The following PRRC1 variants were observed in gnomAD, a reference collection of about 807,000 sequenced individuals.
PRRC1 encodes the protein protein PRRC1.
A neutral mutation model predicts 40.7 loss-of-function variants in PRRC1; 39 were observed. The observed-to-expected ratio is 0.96, with a 90% CI of 0.74 to 1.25. The LOEUF (loss-of-function observed/expected upper bound fraction) is 1.25, where lower values mean the gene tolerates loss of function less well. PRRC1 is among the 50% of genes most tolerant of loss of function. The pLI is 0.00. For missense variants in PRRC1, 573 were observed against 548.3 expected (o/e 1.05, Z -0.45); for synonymous variants, 175 against 193.3 (o/e 0.91, Z 0.79).
At chr5:127,548,107 C>A in intron 8 of PRRC1, 186 bp downstream of exon 8, 1 of 639,694 alleles carries the variant, frequency 1.6e-6, no homozygotes, top group Non-Finnish European at 2.8e-6. Context: ...GTACCTTCCT[C>A]CTTTTGTTTT....
chr5:127,536,887 A>G (rs929889184), intron 6 of PRRC1, among the ~76,000 whole-genome samples: 1 of 151,948 alleles, frequency 6.6e-6, no homozygotes, highest in African/African-American at 2.4e-5. Context: ...CAGAAACAGT[A>G]GAGGGAGCTA....
Position 127,526,682 on chromosome 5 carries a change from C to T in PRRC1, c.558C>T (p.Thr186=), listed in dbSNP as rs777921896. 1 of 1,613,628 alleles carries T rather than the reference C, an allele frequency of 6.2e-7. No individual in the cohort carries two copies. Among genetic ancestry groups the T allele is most frequent in the South Asian group, 1.1e-5 (1 of 90,986 alleles). ...CATCTCTGGCACAGGGAACTGGAAC[C>T]ACATCAGCCATTACTTTCCCAGAGG... The part of the protein sequence containing the change: ...SLTSLAQGTG[T]TSAITFPEEQ... Residue 186 remains threonine, a synonymous_variant, in exon 4 of 9, where the codon ACC becomes ACT. Coordinates refer to ENST00000296666, the MANE Select transcript of PRRC1 (RefSeq NM_130809.5).
chr5:127,546,367 G>C (rs189034176), intron 7 of PRRC1, among the ~76,000 whole-genome samples: 5 of 152,154 alleles, frequency 3.3e-5, no homozygotes, highest in African/African-American at 1.2e-4. Flanking sequence ...CTCATCTACT[G>C]ATTCCAATAT....
chr5:127,539,657 G>A (rs233025), intron 7 of PRRC1, among the ~76,000 whole-genome samples: 66,977 of 151,868 alleles, frequency 0.44, 16,035 homozygotes, highest in African/African-American at 0.62. Flanking sequence ...ATTTATATTA[G>A]AATAACTTCC....
intron 4 of PRRC1, 45 bp downstream of exon 4, chr5:127,526,823 C>T: frequency 7.1e-7 from 1 of 1,399,594 alleles, no homozygotes; most frequent in South Asian, 1.6e-5. Context: ...AATTATAAAA[C>T]TAATAGATAT....
chr5:127,553,547 G>A lies in PRRC1; in HGVS notation c.*1631G>A. The A allele has an allele frequency of 5.8e-6, 7 of 1,213,738 alleles. No individual in the cohort carries two copies. Among genetic ancestry groups the A allele is most frequent in the Non-Finnish European group, 7.2e-6 (7 of 968,292 alleles). 75.2% of individuals were successfully genotyped at this position (1,213,738 alleles called of 1,614,324 possible). ...TTTGCGTCTACACTTTATTTTAAAA[G>A]CTATCCTTTTCTAGTAGTATTTTAT... On this transcript the variant is annotated 3_prime_UTR_variant, in exon 9 of 9. Coordinates refer to ENST00000296666, the MANE Select transcript of PRRC1 (RefSeq NM_130809.5).
At chr5:127,537,165 T>A (rs915880995) in intron 6 of PRRC1, among the ~76,000 whole-genome samples, 3 of 151,870 alleles carry the variant, frequency 2.0e-5, no homozygotes, top group Admixed American at 1.3e-4. Flanking sequence ...TCAACAAATA[T>A]AATATCTATA....
chr5:127,548,632 A>T (rs1295535899), intron 8 of PRRC1: 1 of 152,066 alleles, frequency 6.6e-6, no homozygotes, highest in African/African-American at 2.4e-5. Context: ...TATCATTTCA[A>T]AACTGCCTTT....
chr5:127,531,201 C>A (rs1767759795), intron 5 of PRRC1, among the ~76,000 whole-genome samples: 1 of 152,156 alleles, frequency 6.6e-6, no homozygotes, highest in African/African-American at 2.4e-5. Context: ...GGCACTTTCT[C>A]ATAAGAGCTC....
In PRRC1 at chr5:127,553,299, C is replaced by T; in HGVS notation, c.*1383C>T. On this transcript the variant is annotated 3_prime_UTR_variant, in exon 9 of 9. Coordinates refer to ENST00000296666, the MANE Select transcript of PRRC1 (RefSeq NM_130809.5). Reference sequence around the variant, plus strand: ...TATTTGGTTTCTGCTATTTTTTTACCTGAGGATAAGAAGAATGAATATTAA... The same window carrying T: ...TATTTGGTTTCTGCTATTTTTTTACTTGAGGATAAGAAGAATGAATATTAA... 11 of 985,692 alleles carry T rather than the reference C, an allele frequency of 1.1e-5. No individual in the cohort carries two copies. The highest frequency in any genetic ancestry group is 1.3e-5 in the Non-Finnish European group (11 of 830,276). 61.1% of individuals were successfully genotyped at this position (985,692 alleles called of 1,614,324 possible). A position where few individuals can be genotyped will look rare whatever the true frequency, so the allele number is the denominator to read the frequency against.
chr5:127,539,079 G>A lies in PRRC1; in HGVS notation c.961G>A (p.Val321Met). The A allele has an allele frequency of 6.2e-7, 1 of 1,612,944 alleles. No homozygotes were observed. The highest frequency in any genetic ancestry group is 8.5e-7 in the Non-Finnish European group (1 of 1,179,052). ...ERIDSLRRTG[V>M]IHEKQTAVSV... is the part of the protein sequence containing the mutation. ...GATAGATAGCTTGCGTCGAACTGGG[G>A]TGATCCATGAAAAACAGACAGCTGT... The change falls in exon 7 of 9, where the codon GTG becomes ATG. Residue 321 changes from valine (V) to methionine (M), a missense_variant. Val to Met is a conservative substitution (Grantham distance 21). Transcript: ENST00000296666.
rs985508652 is a variant in PRRC1 at position 127,553,964 on chromosome 5, C to T, written c.*2048C>T. The T allele has an allele frequency of 3.8e-5, 57 of 1,488,826 alleles. No individual in the cohort carries two copies. Among genetic ancestry groups the T allele is most frequent in the African/African-American group, 5.6e-5 (4 of 71,590 alleles). 92.2% of individuals were successfully genotyped at this position (1,488,826 alleles called of 1,614,324 possible). A position where few individuals can be genotyped will look rare whatever the true frequency, so the allele number is the denominator to read the frequency against. ...GGAAGAGAGAAATACATGAACTGCTCTGGCCTCTCTGGTTCTGTTCTTGGC... is the reference window on the plus strand; with the variant it reads ...GGAAGAGAGAAATACATGAACTGCTTTGGCCTCTCTGGTTCTGTTCTTGGC... On this transcript the variant is annotated 3_prime_UTR_variant, in exon 9 of 9. Coordinates refer to ENST00000296666, the MANE Select transcript of PRRC1 (RefSeq NM_130809.5).
At chr5:127,545,107 G>A (rs958802584) in intron 7 of PRRC1, among the ~76,000 whole-genome samples, 5 of 152,108 alleles carry the variant, frequency 3.3e-5, no homozygotes, top group African/African-American at 9.7e-5. Context: ...ACACCAGTTA[G>A]AATGGCAATC....
Position 127,524,630 on chromosome 5 carries a change from C to G in PRRC1, c.203C>G (p.Pro68Arg). The change falls in exon 3 of 9, where the codon CCT (proline) becomes CGT (arginine). Residue 68 changes from proline (P) to arginine (R), a missense_variant. Coordinates refer to ENST00000296666, the MANE Select transcript of PRRC1 (RefSeq NM_130809.5). ...TPQPPLPPVR[P>R]SAPLPFVPPP... ...CAGCCGCCCCTTCCTCCTGTGAGGC[C>G]TTCAGCACCATTACCTTTTGTGCCT... 1 of 1,614,174 alleles carries G rather than the reference C, an allele frequency of 6.2e-7. No individual in the cohort carries two copies.
intron 7 of PRRC1, among the ~76,000 whole-genome samples, chr5:127,544,422 G>A (rs1195006476): frequency 6.6e-6 from 1 of 152,236 alleles, no homozygotes; most frequent in Non-Finnish European, 1.5e-5. Flanking sequence ...GTCAGACAGG[G>A]ACATTTAAGT....
At chr5:127,542,192 G>A (rs1268498648) in intron 7 of PRRC1, among the ~76,000 whole-genome samples, 7 of 152,308 alleles carry the variant, frequency 4.6e-5, no homozygotes, top group Admixed American at 2.0e-4. Context: ...TTTTGAGTGA[G>A]TTTCTTAATC....
chr5:127,520,008 A>T (rs528833019), intron 1 of PRRC1, among the ~76,000 whole-genome samples: 1 of 152,136 alleles, frequency 6.6e-6, no homozygotes, highest in Non-Finnish European at 1.5e-5. Context: ...TTTGCCACCT[A>T]ATCTTGTCTT....
intron 5 of PRRC1, among the ~76,000 whole-genome samples, chr5:127,531,684 G>A (rs1403771805): frequency 7.3e-6 from 1 of 137,058 alleles, no homozygotes; most frequent in Admixed American, 7.7e-5. Context: ...GTGCAGTGGC[G>A]TGATCTCAGC....
intron 1 of PRRC1, among the ~76,000 whole-genome samples, chr5:127,521,068 G>T (rs1767446903): frequency 6.6e-6 from 1 of 152,040 alleles, no homozygotes; most frequent in South Asian, 2.1e-4. Context: ...ATAGATTTTA[G>T]CCTGTAAATT....
Sources: allele counts gnomAD v4.1 joint callset (sites outside exome capture counted in the v4.1 genomes callset), GRCh38; gene constraint gnomAD v4.1.1; transcripts MANE v1.5; gene names NCBI Gene and HGNC (gene_info 2026-07-23, HGNC 2026-07-21).